Variants in USH2A observed in about 807,000 individuals in gnomAD.
USH2A encodes the protein Usher syndrome 2A (autosomal recessive, mild).
In USH2A, 443 loss-of-function variants were observed where a neutral mutation model predicts 538.9. That is an observed-to-expected ratio of 0.82 (90% CI 0.76 to 0.89). USH2A has a LOEUF of 0.89. Ranked by LOEUF, USH2A falls within the 40% of genes least tolerant of loss-of-function variation. The probability of loss-of-function intolerance (pLI) is 0.00; values close to 1 mark genes in which losing one functional copy is unlikely to be tolerated. For missense variants in USH2A, 6,633 were observed against 6,324.8 expected (o/e 1.05, Z -1.65); for synonymous variants, 2,413 against 2,273.5 (o/e 1.06, Z -1.75).
intron 64 of USH2A, among the ~76,000 whole-genome samples, chr1:215,669,518 A>G (rs1320306060): frequency 2.0e-5 from 3 of 152,232 alleles, no homozygotes; most frequent in Non-Finnish European, 2.9e-5. Context: ...TATCCATACC[A>G]TGATCTGATT....
rs533196638 is a variant in USH2A at position 215,623,947 on chromosome 1, C to G, written c.*1834G>C. 2.0e-5 allele frequency: 3 copies of G among 152,254 alleles called. 1 individual carries two copies. Among genetic ancestry groups the G allele is most frequent in the African/African-American group, 7.2e-5 (3 of 41,570 alleles). 9.4% of individuals were successfully genotyped at this position (152,254 alleles called of 1,614,324 possible). ...GGATTAGGATGCAAGTTTGTGACCA[C>G]TCCTTTCCTATATACCTTAAGTAGC... On this transcript the variant is annotated 3_prime_UTR_variant, in exon 72 of 72. Coordinates refer to ENST00000307340, the MANE Select transcript of USH2A (RefSeq NM_206933.4).
At chr1:216,157,257 A>G (rs2033965954) in intron 21 of USH2A, among the ~76,000 whole-genome samples, 2 of 152,242 alleles carry the variant, frequency 1.3e-5, no homozygotes, top group African/African-American at 4.8e-5. Context: ...AGAAATGGAA[A>G]TCAAAACAAC....
chr1:216,120,857 G>C (rs1039435922), intron 21 of USH2A, among the ~76,000 whole-genome samples: 1 of 151,742 alleles, frequency 6.6e-6, no homozygotes, highest in Admixed American at 6.6e-5. Context: ...TCTCAAAAAA[G>C]AAAAGCCAAA....
rs1220494205 is a variant in USH2A, at chr1:215,789,724, C to T, written c.10182+335G>A. On this transcript the variant is annotated intron_variant, in intron 51 of 71. Coordinates refer to ENST00000307340, the MANE Select transcript of USH2A (RefSeq NM_206933.4). Reference sequence around the variant, plus strand: ...AGAAGCGGGAATTTCCTCCTGCCTCCATCCACAGTGCTCCCAGGCATGAAA... The same window carrying T: ...AGAAGCGGGAATTTCCTCCTGCCTCTATCCACAGTGCTCCCAGGCATGAAA... Among the ~76,000 whole-genome samples the T allele has an allele frequency of 2.6e-5, 4 of 152,260 alleles. No individual in the cohort carries two copies. In the East Asian group the frequency reaches 7.8e-4, roughly 30 times the overall value.
chr1:215,979,917 T>C (rs1415607664), intron 35 of USH2A, among the ~76,000 whole-genome samples: 1 of 152,112 alleles, frequency 6.6e-6, no homozygotes, highest in Non-Finnish European at 1.5e-5. Flanking sequence ...AGAAACCATG[T>C]CTTGTGATGG....
chr1:216,013,360 C>T (rs970615080), intron 32 of USH2A, among the ~76,000 whole-genome samples: 91 of 151,424 alleles, frequency 6.0e-4, no homozygotes, highest in African/African-American at 2.2e-3. Flanking sequence ...TGAGAAACAT[C>T]GCCCATTATC....
intron 21 of USH2A, among the ~76,000 whole-genome samples, chr1:216,168,749 A>G (rs906232772): frequency 6.6e-6 from 1 of 152,118 alleles, no homozygotes; most frequent in African/African-American, 2.4e-5. Flanking sequence ...AGTGTTTGAG[A>G]TATTTTGCAG....
intron 4 of USH2A, among the ~76,000 whole-genome samples, chr1:216,355,051 T>C (rs933537524): frequency 6.6e-6 from 1 of 152,044 alleles, no homozygotes; most frequent in Non-Finnish European, 1.5e-5. Flanking sequence ...CTCACACTTG[T>C]AATCCCAGCA....
At chr1:215,640,016 A>C (rs1558033574) in intron 68 of USH2A, among the ~76,000 whole-genome samples, 2 of 152,212 alleles carry the variant, frequency 1.3e-5, no homozygotes, top group Non-Finnish European at 2.9e-5. Context: ...ATTTAAAAAC[A>C]AGGCAAGGAG....
intron 9 of USH2A, among the ~76,000 whole-genome samples, chr1:216,313,681 C>A (rs778939928): frequency 1.3e-5 from 2 of 152,034 alleles, no homozygotes; most frequent in Non-Finnish European, 2.9e-5. Flanking sequence ...AAAGTATTCT[C>A]GAAAAATTCT....
At chr1:216,224,009 C>A (rs78912953) in intron 14 of USH2A, among the ~76,000 whole-genome samples, 2,015 of 152,312 alleles carry the variant, frequency 0.013, 15 homozygotes, top group Non-Finnish European at 0.019. Context: ...TCTCCCTAAC[C>A]AGCCTTGGTG....
intron 67 of USH2A, among the ~76,000 whole-genome samples, chr1:215,643,404 C>G (rs763032650): frequency 2.0e-5 from 3 of 152,104 alleles, no homozygotes; most frequent in Non-Finnish European, 4.4e-5. Context: ...GTATCATAGT[C>G]ATTTCTTGTA....
chr1:215,768,767 C>T (rs952037400), intron 55 of USH2A, among the ~76,000 whole-genome samples: 2 of 151,958 alleles, frequency 1.3e-5, no homozygotes, highest in Non-Finnish European at 2.9e-5. Flanking sequence ...TTCTCTTTAC[C>T]GACAAAAAGG....
intron 1 of USH2A, among the ~76,000 whole-genome samples, chr1:216,422,878 A>T (rs1349782746): frequency 6.6e-6 from 1 of 151,944 alleles, no homozygotes; most frequent in Non-Finnish European, 1.5e-5. Flanking sequence ...ACTTCACCCC[A>T]GGGAATTAGC....
intron 64 of USH2A, among the ~76,000 whole-genome samples, chr1:215,663,670 A>G (rs1657514132): frequency 6.6e-6 from 1 of 152,170 alleles, no homozygotes; most frequent in Non-Finnish European, 1.5e-5. Context: ...CAGGTAGTGC[A>G]AAAGGATCAG....
At chr1:216,065,883 T>C (rs1571929529) in intron 30 of USH2A, among the ~76,000 whole-genome samples, 1 of 151,520 alleles carries the variant, frequency 6.6e-6, no homozygotes, top group South Asian at 2.1e-4. Flanking sequence ...GGTGACAGAG[T>C]GAGACCCTGT....
Position 215,650,720 on chromosome 1 carries a change from T to C in USH2A, c.14215A>G (p.Arg4739Gly), listed in dbSNP as rs1657043265. The change falls in exon 65 of 72, where the codon AGA becomes GGA. Residue 4739 changes from arginine (R) to glycine (G), a missense_variant. Transcript: ENST00000307340. Reference protein sequence around the residue: ...RTGPAPPEGLRAPTFHVISST... With the variant: ...RTGPAPPEGLGAPTFHVISST... ...GAGATCACATGGAACGTGGGGGCTC[T>C]GAGACCTTCTGGTGGGGCTGGCCCG... 1.2e-6 allele frequency: 2 copies of C among 1,614,034 alleles called. No homozygotes were observed. Among genetic ancestry groups the C allele is most frequent in the Non-Finnish European group, 1.7e-6 (2 of 1,179,998 alleles).
intron 64 of USH2A, among the ~76,000 whole-genome samples, chr1:215,657,614 C>T (rs565311743): frequency 6.6e-6 from 1 of 152,312 alleles, no homozygotes; most frequent in Non-Finnish European, 1.5e-5. Flanking sequence ...TCCCGTTTTC[C>T]AGGTTCCCTT....
At chr1:215,676,163 A>G in intron 62 of USH2A, among the ~76,000 whole-genome samples, 1 of 152,118 alleles carries the variant, frequency 6.6e-6, no homozygotes, top group East Asian at 1.9e-4. Context: ...AAGTACAAAT[A>G]TCCATACATA....
Sources: gnomAD v4.1 joint callset for allele counts (sites outside exome capture counted in the v4.1 genomes callset) on GRCh38, gnomAD v4.1.1 for gene constraint, MANE v1.5 for transcripts, NCBI Gene and HGNC (gene_info 2026-07-23, HGNC 2026-07-21) for gene names.